Variants in ABCB1 observed in about 807,000 individuals in gnomAD.
ABCB1 encodes ATP binding cassette subfamily B member 1.
Under a neutral mutation model 142.0 loss-of-function variants are expected in ABCB1, and 69 were observed. The observed-to-expected ratio is 0.49, with a 90% confidence interval of 0.40 to 0.59. ABCB1 has a LOEUF of 0.59. Among genes scored for constraint, ABCB1 ranks in the 20% least tolerant of loss-of-function variants. ABCB1 has a pLI of 0.00. For synonymous variants in ABCB1, 532 were observed against 539.2 expected (o/e 0.99, Z 0.18); for missense variants, 1,326 against 1,554.7 (o/e 0.85, Z 2.47).
rs3926353 is a variant in ABCB1, at chr7:87,626,305, A to G, written c.-330-25227T>C. Among the ~76,000 whole-genome samples the G allele has an allele frequency of 1.9e-4, 7 of 36,656 alleles. 3 individuals are homozygous for G. The highest frequency in any genetic ancestry group is 3.5e-4 in the African/African-American group (2 of 5,710). The allele number at this position is 36,656 out of a possible 152,430, so 24.0% of individuals were successfully genotyped here. A position where few individuals can be genotyped will look rare whatever the true frequency, so the allele number is the denominator to read the frequency against. On this transcript the variant is annotated intron_variant, in intron 1 of 28. Transcript: ENST00000265724. ...TATGTGTCATATATGTGTCATATAT[A>G]TGTGTCGTATATGTGTCATATATAT... is the stretch of plus-strand genomic sequence containing the variant.
At chr7:87,667,870 T>A (rs1426878160) in intron 1 of ABCB1, among the ~76,000 whole-genome samples, 1 of 152,204 alleles carries the variant, frequency 6.6e-6, no homozygotes, top group East Asian at 1.9e-4. Context: ...TTTGATGTGC[T>A]GCCAGATTTG....
intron 1 of ABCB1, among the ~76,000 whole-genome samples, chr7:87,698,097 T>C (rs1828656144): frequency 6.6e-6 from 1 of 152,216 alleles, no homozygotes; most frequent in Non-Finnish European, 1.5e-5. Flanking sequence ...ATTTTATTTT[T>C]AATTTTTTAT....
At chr7:87,507,692 CTG>C (rs1259943534) in intron 26 of ABCB1, among the ~76,000 whole-genome samples, 1 of 152,126 alleles carries the variant, frequency 6.6e-6, no homozygotes. Context: ...CGTGAGGAAA[CTG>C]TCTTCCCCGC....
At chr7:87,532,394 G>A (rs1179369690) in intron 20 of ABCB1, among the ~76,000 whole-genome samples, 1 of 152,150 alleles carries the variant, frequency 6.6e-6, no homozygotes, top group Admixed American at 6.5e-5. Context: ...CAAGATACAG[G>A]TCGCTAAGAC....
chr7:87,609,015 C>T (rs1819756766), intron 1 of ABCB1, among the ~76,000 whole-genome samples: 1 of 152,060 alleles, frequency 6.6e-6, no homozygotes, highest in African/African-American at 2.4e-5. Context: ...TATCCATGAG[C>T]AAAACATACA....
At chr7:87,665,231 A>G (rs1270528159) in intron 1 of ABCB1, among the ~76,000 whole-genome samples, 1 of 152,308 alleles carries the variant, frequency 6.6e-6, no homozygotes, top group East Asian at 1.9e-4. Context: ...GAATTAATAA[A>G]TTCAGTGAAG....
intron 1 of ABCB1, among the ~76,000 whole-genome samples, chr7:87,638,957 C>A (rs551847458): frequency 6.6e-6 from 1 of 152,128 alleles, no homozygotes; most frequent in African/African-American, 2.4e-5. Context: ...TCGAGACTAT[C>A]CTGGCTAACA....
intron 5 of ABCB1, among the ~76,000 whole-genome samples, chr7:87,569,527 CTG>C (rs1325869836): frequency 1.3e-5 from 2 of 151,914 alleles, no homozygotes; most frequent in Non-Finnish European, 2.9e-5. Flanking sequence ...AATAGAGAGA[CTG>C]TATTTTTTCT....
chr7:87,536,576 C>T, intron 19 of ABCB1, 35 bp from the exon 20 acceptor site: 1 of 1,604,058 alleles, frequency 6.2e-7, no homozygotes, highest in South Asian at 1.1e-5. Flanking sequence ...TACCTTAAAG[C>T]TGTTTATGAG....
chr7:87,678,614 A>T (rs1826612404), intron 1 of ABCB1, among the ~76,000 whole-genome samples: 1 of 152,208 alleles, frequency 6.6e-6, no homozygotes, highest in Non-Finnish European at 1.5e-5. Flanking sequence ...AGATATGTTA[A>T]ATATAAATGG....
At chr7:87,582,777 A>T (rs1818566735) in intron 4 of ABCB1, among the ~76,000 whole-genome samples, 1 of 152,216 alleles carries the variant, frequency 6.6e-6, no homozygotes, top group Admixed American at 6.5e-5. Flanking sequence ...TAAATTTCAC[A>T]TAATTTCCAC....
chr7:87,584,780 T>G (rs1440528839), intron 4 of ABCB1, among the ~76,000 whole-genome samples: 1 of 152,132 alleles, frequency 6.6e-6, no homozygotes, highest in Non-Finnish European at 1.5e-5. Context: ...AATTCACTTT[T>G]CCCACCTGTT....
chr7:87,694,293 A>G (rs971519159), intron 1 of ABCB1, among the ~76,000 whole-genome samples: 6 of 152,140 alleles, frequency 3.9e-5, no homozygotes, highest in Non-Finnish European at 7.4e-5. Flanking sequence ...GTGGCACCAT[A>G]AACAATAACT....
intron 1 of ABCB1, among the ~76,000 whole-genome samples, chr7:87,613,011 GTTTT>G (rs71117545): frequency 7.4e-6 from 1 of 134,806 alleles, no homozygotes; most frequent in Non-Finnish European, 1.6e-5. Flanking sequence ...GTTTTGGTGG[GTTTT>G]TTTTTTTTTT....
intron 1 of ABCB1, among the ~76,000 whole-genome samples, chr7:87,704,704 C>T (rs2130716445): frequency 6.6e-6 from 1 of 152,318 alleles, no homozygotes; most frequent in Admixed American, 6.5e-5. Flanking sequence ...CTTTGTTTTG[C>T]TCAGGCCTCA....
intron 1 of ABCB1, chr7:87,629,071 C>A (rs1228087332): frequency 7.4e-6 from 7 of 950,260 alleles, no homozygotes; most frequent in Non-Finnish European, 9.8e-6. Context: ...TATGTTGCGC[C>A]AGCCAAATCT....
chr7:87,515,490 T>C, intron 24 of ABCB1, 62 bp from the exon 25 acceptor site: 1 of 1,482,158 alleles, frequency 6.7e-7, no homozygotes. Flanking sequence ...AGTGTATAGC[T>C]AACTCTCTCG....
chr7:87,561,203 G>T, intron 8 of ABCB1, 60 bp downstream of exon 8: 1 of 1,594,398 alleles, frequency 6.3e-7, no homozygotes, highest in South Asian at 1.1e-5. Flanking sequence ...CTGTCAATCT[G>T]AAGGGCATTT....
intron 21 of ABCB1, chr7:87,521,400 C>G: frequency 1.6e-6 from 1 of 636,588 alleles, no homozygotes; most frequent in East Asian, 2.7e-5. Flanking sequence ...GACGCTTACC[C>G]CTTTCTGCCC....
Sources: gnomAD v4.1 joint callset for allele counts (sites outside exome capture counted in the v4.1 genomes callset) on GRCh38, gnomAD v4.1.1 for gene constraint, MANE v1.5 for transcripts, NCBI Gene and HGNC (gene_info 2026-07-23, HGNC 2026-07-21) for gene names.